NCALD: variants seen among roughly 807,000 people sequenced by gnomAD.
NCALD encodes the protein neurocalcin-delta.
NCALD carries 10 observed loss-of-function variants against 18.6 expected under a neutral mutation model. That is an observed-to-expected ratio of 0.54 (90% CI 0.33 to 0.91). NCALD has a LOEUF of 0.91. NCALD is among the 40% of genes least tolerant of loss of function. The probability of loss-of-function intolerance (pLI) is 0.03; values close to 1 mark genes in which losing one functional copy is unlikely to be tolerated. For missense variants in NCALD, 184 were observed against 247.6 expected, an observed-to-expected ratio of 0.74 and a Z score of 1.72; for synonymous variants, 88 against 87.4, an observed-to-expected ratio of 1.01 and a Z score of -0.04.
chr8:101,838,769 A>C (rs1053104570), intron 4 of NCALD, among the ~76,000 whole-genome samples: 1 of 152,222 alleles, frequency 6.6e-6, no homozygotes, highest in African/African-American at 2.4e-5. Flanking sequence ...TTAAAGTTGC[A>C]TTGGTTGACA....
chr8:102,096,132 T>C (rs1204428880), intron 1 of NCALD, among the ~76,000 whole-genome samples: 1 of 152,160 alleles, frequency 6.6e-6, no homozygotes, highest in East Asian at 1.9e-4. Context: ...AGAAGAATCT[T>C]ATAGGGTAAA....
At chr8:101,924,797 A>G (rs149914191) in intron 2 of NCALD, among the ~76,000 whole-genome samples, 3 of 152,292 alleles carry the variant, frequency 2.0e-5, no homozygotes, top group African/African-American at 7.2e-5. Context: ...AAAGCATTCC[A>G]TTGTCTTGTT....
At chr8:102,054,714 A>ATAGATAGG (rs1554587247) in intron 1 of NCALD, among the ~76,000 whole-genome samples, 3 of 108,836 alleles carry the variant, frequency 2.8e-5, no homozygotes, top group African/African-American at 6.5e-5. Context: ...AGATAGATAG[A>ATAGATAGG]TAGATATCCT....
chr8:102,090,703 A>C (rs1824897516), intron 1 of NCALD, among the ~76,000 whole-genome samples: 1 of 152,212 alleles, frequency 6.6e-6, no homozygotes, highest in Admixed American at 6.5e-5. Flanking sequence ...TTCTGTGAAC[A>C]AAATTTGGAT....
At chr8:102,015,639 C>A (rs1361695858) in intron 2 of NCALD, among the ~76,000 whole-genome samples, 1 of 152,016 alleles carries the variant, frequency 6.6e-6, no homozygotes, top group Non-Finnish European at 1.5e-5. Context: ...CAAAATAATA[C>A]TTGTATTGAA....
intron 4 of NCALD, among the ~76,000 whole-genome samples, chr8:101,878,908 A>G (rs1185998918): frequency 6.6e-6 from 1 of 152,212 alleles, no homozygotes; most frequent in Non-Finnish European, 1.5e-5. Context: ...CGATGATGAA[A>G]AAAAGCAGCC....
chr8:102,047,811 C>A (rs926378298), intron 1 of NCALD, among the ~76,000 whole-genome samples: 2 of 152,148 alleles, frequency 1.3e-5, no homozygotes, highest in African/African-American at 4.8e-5. Context: ...AGGACCCCTC[C>A]AGTTCTAAAA....
intron 4 of NCALD, among the ~76,000 whole-genome samples, chr8:101,884,513 C>T (rs1381759608): frequency 1.3e-5 from 2 of 152,028 alleles, no homozygotes; most frequent in South Asian, 2.1e-4. Flanking sequence ...CGTGTTATAC[C>T]ATATCATTCT....
rs529700298 is a variant in NCALD at position 101,888,791 on chromosome 8, A to G, written c.-106-1564T>C. ...TATTTCCACTCTGTTTATTAAATAC[A>G]TTTTACAGTGTATGAAGCACTCTTC... On this transcript the variant is annotated intron_variant, in intron 3 of 6. Transcript: ENST00000311028. Among the ~76,000 whole-genome samples the G allele has an allele frequency of 5.3e-5, 8 of 152,214 alleles. No individual in the cohort carries two copies. In the South Asian group the frequency reaches 1.5e-3, roughly 28 times the overall value.
chr8:102,124,570 C>A (rs1275205688), upstream of NCALD: 2 of 152,088 alleles, frequency 1.3e-5, no homozygotes, highest in African/African-American at 2.4e-5. Context: ...CCTAGCTCAC[C>A]GCCCAGGCCT....
At chr8:101,761,681 T>C (rs1183788871) in intron 1 of NCALD, among the ~76,000 whole-genome samples, 3 of 152,196 alleles carry the variant, frequency 2.0e-5, no homozygotes, top group Non-Finnish European at 1.5e-5. Flanking sequence ...CAGGGACTTA[T>C]TTGTTTCCCA....
intron 1 of NCALD, among the ~76,000 whole-genome samples, chr8:102,092,103 C>G (rs562563804): frequency 6.6e-6 from 1 of 152,148 alleles, no homozygotes; most frequent in African/African-American, 2.4e-5. Context: ...AAAGACATTG[C>G]TGATAAAATG....
intron 2 of NCALD, 53 bp from the exon 3 acceptor site, chr8:101,692,949 T>C (rs982102026): frequency 3.8e-5 from 50 of 1,330,742 alleles, no homozygotes; most frequent in Non-Finnish European, 5.3e-5. Flanking sequence ...TGGCACACAA[T>C]AGACCTATCA....
chr8:101,886,443 T>C (rs921374621), intron 4 of NCALD, among the ~76,000 whole-genome samples: 5 of 152,198 alleles, frequency 3.3e-5, no homozygotes, highest in Non-Finnish European at 5.9e-5. Flanking sequence ...ATTACTGAGG[T>C]CTAAGCCATA....
At chr8:101,695,434 T>C (rs1814944758) in intron 2 of NCALD, among the ~76,000 whole-genome samples, 2 of 152,044 alleles carry the variant, frequency 1.3e-5, no homozygotes, top group Admixed American at 6.6e-5. Context: ...ATAGGAGGTG[T>C]CTCCCAGCTC....
intron 4 of NCALD, among the ~76,000 whole-genome samples, chr8:101,861,143 C>A (rs1037672826): frequency 2.0e-5 from 3 of 152,206 alleles, no homozygotes; most frequent in South Asian, 4.2e-4. Flanking sequence ...AGACTTCTGA[C>A]GCCCAGAATG....
intron 2 of NCALD, among the ~76,000 whole-genome samples, chr8:101,957,289 GTTTTT>G (rs11305701): frequency 1.9e-4 from 19 of 99,492 alleles, no homozygotes; most frequent in Non-Finnish European, 3.6e-4. Context: ...AAAAGTTGGG[GTTTTT>G]TTTTTTTTTT....
intron 1 of NCALD, among the ~76,000 whole-genome samples, chr8:102,046,797 CTTT>C (rs111776091): frequency 1.4e-5 from 2 of 142,418 alleles, no homozygotes; most frequent in Admixed American, 7.0e-5. Flanking sequence ...GTTTTTTTTC[CTTT>C]TTTTTTTTTT....
chr8:101,941,500 C>T (rs1818955230), intron 2 of NCALD, among the ~76,000 whole-genome samples: 1 of 152,214 alleles, frequency 6.6e-6, no homozygotes, highest in Non-Finnish European at 1.5e-5. Context: ...ACACAGACTA[C>T]TTTGAATCAG....
Sources: allele counts gnomAD v4.1 joint callset (sites outside exome capture counted in the v4.1 genomes callset), GRCh38; gene constraint gnomAD v4.1.1; transcripts MANE v1.5; gene names NCBI Gene and HGNC (gene_info 2026-07-23, HGNC 2026-07-21).